The following LRRC43 variants were observed in gnomAD, a reference collection of about 807,000 sequenced individuals.
LRRC43 encodes leucine-rich repeat-containing protein 43.
LRRC43 carries 62 observed loss-of-function variants against 64.3 expected under a neutral mutation model. The observed-to-expected ratio is 0.96, with a 90% CI of 0.79 to 1.19. The LOEUF (loss-of-function observed/expected upper bound fraction) is 1.19, where lower values mean the gene tolerates loss of function less well. Ranked by LOEUF, LRRC43 falls within the 50% of genes most tolerant of loss-of-function variation. The pLI is 0.00. For synonymous variants in LRRC43, 422 were observed against 382.3 expected (o/e 1.10, Z -1.21); for missense variants, 868 against 845.0 (o/e 1.03, Z -0.34).
In LRRC43 at chr12:122,172,624, T is replaced by C. The variant is rs1486036540; in HGVS notation, c.-406+4842T>C. 1.9e-6 allele frequency: 3 copies of C among 1,614,054 alleles called. No homozygotes were observed. Among genetic ancestry groups the C allele is most frequent in the Non-Finnish European group, 2.5e-6 (3 of 1,180,032 alleles). ...ACAGATTTGTTGTCTAGCTGTCTGA[T>C]TGTCTTGAGATATGCCCGGATGGCT... On this transcript the variant is annotated intron_variant, in intron 1 of 5. Transcript: ENST00000537729.
chr12:122,186,213 C>G lies in LRRC43; in HGVS notation c.435C>G (p.Leu145=), dbSNP rs1232259767. ...AGGTCACCCTGGTGGATAAAGACCT[C>G]CTGAAATTTCTAAAGCTGGAGGAGT... ...DKKVTLVDKD[L]LKFLKLEELV... The change falls in exon 3 of 12, where the codon CTC becomes CTG. Residue 145 remains leucine, a synonymous_variant. Coordinates refer to ENST00000339777, the MANE Select transcript of LRRC43 (RefSeq NM_001098519.2). The G allele has an allele frequency of 2.5e-6, 4 of 1,600,606 alleles. No homozygotes were observed. The Admixed American group carries it at 6.9e-5, about 28-fold the overall frequency.
At chr12:122,185,404 G>A (rs1018743674) in intron 2 of LRRC43, among the ~76,000 whole-genome samples, 51 of 152,146 alleles carry the variant, frequency 3.4e-4, no homozygotes, top group African/African-American at 1.1e-3. Context: ...AGGTGGGGAG[G>A]TAGAGGCTGC....
At chr12:122,183,929 C>A (rs751422158) in intron 1 of LRRC43, among the ~76,000 whole-genome samples, 2 of 151,970 alleles carry the variant, frequency 1.3e-5, no homozygotes, top group Non-Finnish European at 2.9e-5. Flanking sequence ...TTAGTAGAGA[C>A]AGGATTTCAC....
chr12:122,172,134 C>A, intron 1 of LRRC43: 1 of 308,006 alleles, frequency 3.2e-6, no homozygotes. Context: ...ACATAGCTGC[C>A]ACCTCCCACC....
chr12:122,200,799 C>T lies in LRRC43; in HGVS notation c.1674C>T (p.Asp558=), dbSNP rs748119777. The change falls in exon 10 of 12, where the codon GAC becomes GAT. Residue 558 remains aspartate, a synonymous_variant. Coordinates refer to ENST00000339777, the MANE Select transcript of LRRC43 (RefSeq NM_001098519.2). This position sits in a 1 kb window ranked among gnomAD's most constrained non-coding sequence, Gnocchi z 4.6. ...AGCCGCCCAAGGAGCTCCGGCAGGACCCCCCCATCCTCCAGGTGCTGGGCC... is the reference window on the plus strand; with the variant it reads ...AGCCGCCCAAGGAGCTCCGGCAGGATCCCCCCATCCTCCAGGTGCTGGGCC... ...KKEPPKELRQ[D]PPILQVLGRG... is the part of the protein sequence containing the mutation. The T allele has an allele frequency of 4.3e-6, 7 of 1,612,402 alleles. No individual in the cohort carries two copies. The highest frequency in any genetic ancestry group is 2.2e-5 in the East Asian group (1 of 44,860).
chr12:122,200,117 C>T lies in LRRC43; in HGVS notation c.1350-72C>T. ...CGTGGTCTCCTCGGATGTCCCCTCA[C>T]AGTCCTGTCCCGGGTCCCTGGCCAC... On this transcript the variant is annotated intron_variant, in intron 7 of 11. Transcript: ENST00000339777. The surrounding 1 kb of genome is among the most constrained non-coding windows in gnomAD (Gnocchi z 4.6). 2 of 1,526,752 alleles carry T rather than the reference C, an allele frequency of 1.3e-6. No individual in the cohort carries two copies. The highest frequency in any genetic ancestry group is 1.8e-6 in the Non-Finnish European group (2 of 1,121,950). The allele number at this position is 1,526,752 out of a possible 1,614,324, so 94.6% of individuals were successfully genotyped here.
chr12:122,171,598 C>G (rs561767917), intron 1 of LRRC43, among the ~76,000 whole-genome samples: 1 of 152,014 alleles, frequency 6.6e-6, no homozygotes, highest in Non-Finnish European at 1.5e-5. Flanking sequence ...TGGCCCCAAG[C>G]AGTCCTCCAG....
intron 4 of LRRC43, among the ~76,000 whole-genome samples, chr12:122,188,409 AT>A (rs1353145590): frequency 6.7e-6 from 1 of 148,916 alleles, no homozygotes; most frequent in Non-Finnish European, 1.5e-5. Context: ...GCCCGGCCTA[AT>A]TTTTTTATTT....
At chr12:122,175,451 G>A (rs1271216037) in intron 1 of LRRC43, among the ~76,000 whole-genome samples, 2 of 151,716 alleles carry the variant, frequency 1.3e-5, no homozygotes, top group African/African-American at 2.4e-5. Context: ...ACAGGTGCGA[G>A]CCACCACTCT....
chr12:122,183,009 A>G, upstream of LRRC43: 1 of 1,350,582 alleles, frequency 7.4e-7, no homozygotes, highest in Non-Finnish European at 9.6e-7. Context: ...AGGGCAGAAG[A>G]GAAAACGCAG....
intron 1 of LRRC43, among the ~76,000 whole-genome samples, chr12:122,183,782 G>T (rs1039011167): frequency 2.0e-5 from 3 of 152,138 alleles, no homozygotes; most frequent in African/African-American, 7.2e-5. Flanking sequence ...ACCACGAGGG[G>T]CGCCCAGGTG....
chr12:122,186,285 GC>G lies in LRRC43; in HGVS notation c.513del (p.Thr172HisfsTer31), dbSNP rs1391037204. On this transcript the variant is annotated frameshift_variant, in exon 3 of 12. Coordinates refer to ENST00000339777, the MANE Select transcript of LRRC43 (RefSeq NM_001098519.2). LOFTEE classifies it high-confidence loss of function. ...TCAAGGAGGTGGATGCCACCAATCTGCCCCCCACACTCAAGGTGAAGGAGCC... is the reference window on the plus strand; with the variant it reads ...TCAAGGAGGTGGATGCCACCAATCTGCCCCCACACTCAAGGTGAAGGAGCC... ...RIKEVDATNLPPTLKVLELYG... is the reference protein window; with the variant it reads ...RIKEVDATNLXPTLKVLELYG... The G allele has an allele frequency of 1.9e-6, 3 of 1,599,080 alleles. No homozygotes were observed. Among genetic ancestry groups the G allele is most frequent in the Admixed American group, 3.4e-5 (2 of 58,256 alleles).
chr12:122,195,837 T>C (rs903055825), intron 7 of LRRC43, among the ~76,000 whole-genome samples: 2 of 152,212 alleles, frequency 1.3e-5, no homozygotes, highest in African/African-American at 4.8e-5. Context: ...TCTCTGTTCC[T>C]TTTTCTATCT....
At chr12:122,198,571 A>G (rs1030423511) in intron 7 of LRRC43, among the ~76,000 whole-genome samples, 2 of 146,258 alleles carry the variant, frequency 1.4e-5, no homozygotes, top group African/African-American at 5.1e-5. Flanking sequence ...ACTGAGCATC[A>G]TGTTTTCAAG....
Position 122,200,211 on chromosome 12 carries a change from C to T in LRRC43, c.1372C>T (p.His458Tyr). ...SPGTVLFSTA[H>Y]KPWAEVIPCS... ...AAGGACTGTCCTCTTCAGCACTGCC[C>T]ACAAGCCCTGGGCTGAGGTCATCCC... The change falls in exon 8 of 12, where the codon CAC becomes TAC. Residue 458 changes from histidine (H) to tyrosine (Y), a missense_variant. Coordinates refer to ENST00000339777, the MANE Select transcript of LRRC43 (RefSeq NM_001098519.2). The surrounding 1 kb of genome is among the most constrained non-coding windows in gnomAD (Gnocchi z 4.6). 2 of 1,614,044 alleles carry T rather than the reference C, an allele frequency of 1.2e-6. No individual in the cohort carries two copies. Among genetic ancestry groups the T allele is most frequent in the South Asian group, 1.1e-5 (1 of 91,060 alleles).
intron 2 of LRRC43, among the ~76,000 whole-genome samples, chr12:122,185,896 CAGAA>C (rs1292104813): frequency 6.6e-6 from 1 of 152,152 alleles, no homozygotes; most frequent in Admixed American, 6.5e-5. Flanking sequence ...CTGGGGTAGA[CAGAA>C]AGGAGAGAGG....
At chr12:122,199,357 A>G (rs1345884032) in intron 7 of LRRC43, among the ~76,000 whole-genome samples, 2 of 138,366 alleles carry the variant, frequency 1.4e-5, no homozygotes, top group East Asian at 2.1e-4. Context: ...ATCTCAGCTC[A>G]CTGCAACCTC....
At chr12:122,171,440 C>T (rs1051943225) in intron 1 of LRRC43, among the ~76,000 whole-genome samples, 2 of 152,204 alleles carry the variant, frequency 1.3e-5, no homozygotes, top group Admixed American at 6.6e-5. Context: ...TAGCTCACTG[C>T]AGCCTCGAAC....
intron 7 of LRRC43, among the ~76,000 whole-genome samples, chr12:122,194,618 T>TTCCC (rs1216259040): frequency 1.3e-5 from 2 of 151,774 alleles, no homozygotes; most frequent in Non-Finnish European, 2.9e-5. Flanking sequence ...TCTGGTTTCA[T>TTCCC]TCCCTCCCTC....
Sources: allele counts gnomAD v4.1 joint callset (sites outside exome capture counted in the v4.1 genomes callset), GRCh38; gene constraint gnomAD v4.1.1; non-coding constraint Gnocchi (gnomAD v3.1); transcripts MANE v1.5; gene names NCBI Gene and HGNC (gene_info 2026-07-23, HGNC 2026-07-21).